Variants in LUC7L2 observed in about 807,000 individuals in gnomAD.
LUC7L2 encodes LUC7 like 2, pre-mRNA splicing factor, also known as putative RNA-binding protein Luc7-like 2.
In LUC7L2, 25 loss-of-function variants were observed where a neutral mutation model predicts 52.8. The ratio of observed to expected loss-of-function variants is 0.47; its 90% CI spans 0.34 to 0.66. The LOEUF (loss-of-function observed/expected upper bound fraction) is 0.66, where lower values mean the gene tolerates loss of function less well. LUC7L2 is among the 30% of genes least tolerant of loss of function. LUC7L2 has a pLI of 0.01. For missense variants in LUC7L2, 328 were observed against 497.8 expected, an observed-to-expected ratio of 0.66 and a Z score of 3.25; for synonymous variants, 144 against 160.9, an observed-to-expected ratio of 0.89 and a Z score of 0.80.
At chr7:139,376,299 C>T (rs1800706522) in intron 2 of LUC7L2, 143 bp downstream of exon 2, 3 of 844,664 alleles carry the variant, frequency 3.6e-6, no homozygotes. Flanking sequence ...AGGATGATTA[C>T]TTAAATCTTC....
chr7:139,403,628 T>G (rs1428168508), intron 4 of LUC7L2, among the ~76,000 whole-genome samples: 2 of 152,198 alleles, frequency 1.3e-5, no homozygotes, highest in Non-Finnish European at 2.9e-5. Flanking sequence ...GCCTGAGTTG[T>G]ATTGGTTGTA....
intron 1 of LUC7L2, among the ~76,000 whole-genome samples, chr7:139,370,218 CAG>C (rs1027175049): frequency 1.6e-4 from 25 of 152,184 alleles, no homozygotes; most frequent in African/African-American, 5.5e-4. Context: ...TATATATTAA[CAG>C]GGGAACATGT....
Position 139,360,212 on chromosome 7 carries a change from G to T in LUC7L2, c.-50G>T. ...CTTCCCCTTATCCCCCAGCCCAAAA[G>T]GGCCCGGTCTGCGCCCCACCCCCGC... On this transcript the variant is annotated 5_prime_UTR_variant, in exon 1 of 10. The change creates a new upstream start codon in the 5' untranslated region. Coordinates refer to ENST00000354926, the MANE Select transcript of LUC7L2 (RefSeq NM_016019.5). The T allele has an allele frequency of 7.0e-7, 1 of 1,423,292 alleles. No individual in the cohort carries two copies. The highest frequency in any genetic ancestry group is 9.6e-7 in the Non-Finnish European group (1 of 1,038,842). The allele number at this position is 1,423,292 out of a possible 1,614,324, so 88.2% of individuals were successfully genotyped here.
chr7:139,375,389 C>G, intron 1 of LUC7L2: 1 of 985,272 alleles, frequency 1.0e-6, no homozygotes, highest in South Asian at 4.7e-5. Context: ...AACCTTTGGA[C>G]GCATTAAAGT....
At chr7:139,340,662 A>G (rs891277988) in intron 1 of LUC7L2, 1 of 395,662 alleles carries the variant, frequency 2.5e-6, no homozygotes, top group Non-Finnish European at 4.5e-6. Context: ...AAAGAGGAAA[A>G]TAGTTGAATA....
intron 7 of LUC7L2, among the ~76,000 whole-genome samples, chr7:139,410,896 T>C (rs79489034): frequency 0.02 from 3,107 of 152,302 alleles, 47 homozygotes; most frequent in Middle Eastern, 0.044. Context: ...GAAACAAAAC[T>C]ACATGTCTAT....
At chr7:139,376,963 G>A (rs1034954100) in intron 2 of LUC7L2, among the ~76,000 whole-genome samples, 15 of 152,132 alleles carry the variant, frequency 9.9e-5, no homozygotes, top group Admixed American at 1.3e-4. Flanking sequence ...TTCTTTGATA[G>A]GAAGAGTTAA....
intron 1 of LUC7L2, among the ~76,000 whole-genome samples, chr7:139,369,431 C>T (rs1363899594): frequency 1.3e-5 from 2 of 152,080 alleles, no homozygotes; most frequent in Admixed American, 1.3e-4. Context: ...ACATACCCCC[C>T]AAAACATGAT....
chr7:139,421,897 CTG>C (rs971226608), intron 9 of LUC7L2, among the ~76,000 whole-genome samples: 5 of 151,872 alleles, frequency 3.3e-5, no homozygotes, highest in Middle Eastern at 3.2e-3. Context: ...TGGAGAAACT[CTG>C]TGTTGTCTCT....
intron 9 of LUC7L2, 80 bp downstream of exon 9, chr7:139,417,809 T>C (rs73154181): frequency 0.022 from 33,300 of 1,500,710 alleles, 435 homozygotes; most frequent in South Asian, 0.047. Flanking sequence ...TACTTATGTT[T>C]AGAGTTCAGA....
At chr7:139,404,602 A>G (rs1209232813) in intron 4 of LUC7L2, among the ~76,000 whole-genome samples, 1 of 152,236 alleles carries the variant, frequency 6.6e-6, no homozygotes, top group African/African-American at 2.4e-5. Flanking sequence ...AATAATGATT[A>G]TATGTATGTT....
chr7:139,395,519 A>G (rs79277139), intron 2 of LUC7L2, among the ~76,000 whole-genome samples: 1,994 of 152,344 alleles, frequency 0.013, 47 homozygotes, highest in African/African-American at 0.045. Context: ...GAGGACTTTT[A>G]TAACAGTGAT....
intron 1 of LUC7L2, among the ~76,000 whole-genome samples, chr7:139,354,742 A>C (rs937772752): frequency 6.6e-6 from 1 of 152,182 alleles, no homozygotes; most frequent in Non-Finnish European, 1.5e-5. Context: ...TGAGAGAAAA[A>C]AAGTTTTGGC....
Position 139,412,578 on chromosome 7 carries a change from A to G in LUC7L2, c.807A>G (p.Lys269=). The G allele has an allele frequency of 6.2e-7, 1 of 1,606,204 alleles. No homozygotes were observed. Among genetic ancestry groups the G allele is most frequent in the South Asian group, 1.1e-5 (1 of 88,948 alleles). Residue 269 remains lysine, a splice_region_variant and synonymous_variant, in exon 8 of 10, where the codon AAA becomes AAG. Coordinates refer to ENST00000354926, the MANE Select transcript of LUC7L2 (RefSeq NM_016019.5). ...CCCGATCACACAGCAAGAATCCAAAAAGGTAGGTGTATTACATAAGACAGG... is the reference window on the plus strand; with the variant it reads ...CCCGATCACACAGCAAGAATCCAAAGAGGTAGGTGTATTACATAAGACAGG... The part of the protein sequence containing the change: ...RRSRSHSKNP[K]RSRSREHRRH...
chr7:139,345,679 C>G, intron 1 of LUC7L2: 1 of 1,614,118 alleles, frequency 6.2e-7, no homozygotes, highest in Non-Finnish European at 8.5e-7. Flanking sequence ...CCCCATCAGC[C>G]TGGAGGGAAG....
chr7:139,344,530 T>C (rs949981136), intron 1 of LUC7L2, among the ~76,000 whole-genome samples: 2 of 152,134 alleles, frequency 1.3e-5, no homozygotes, highest in Middle Eastern at 3.2e-3. Context: ...GAGTATTTTT[T>C]ATCACAAGTT....
intron 2 of LUC7L2, chr7:139,392,479 T>C: frequency 2.5e-6 from 1 of 399,274 alleles, no homozygotes; most frequent in Non-Finnish European, 5.0e-6. Flanking sequence ...CAGGATCAGG[T>C]ATAGTTATTT....
intron 1 of LUC7L2, among the ~76,000 whole-genome samples, chr7:139,354,582 G>A (rs1353024198): frequency 6.6e-6 from 1 of 151,924 alleles, no homozygotes; most frequent in Non-Finnish European, 1.5e-5. Flanking sequence ...GGCTGGTCTC[G>A]AACTCCTCAC....
At chr7:139,360,763 C>T (rs901073570) in intron 1 of LUC7L2, among the ~76,000 whole-genome samples, 3 of 152,244 alleles carry the variant, frequency 2.0e-5, no homozygotes, top group African/African-American at 7.2e-5. Flanking sequence ...GAAGCTTCCC[C>T]CTCCTCTTCC....
Sources: allele counts gnomAD v4.1 joint callset (sites outside exome capture counted in the v4.1 genomes callset), GRCh38; gene constraint gnomAD v4.1.1; transcripts MANE v1.5; gene names NCBI Gene and HGNC (gene_info 2026-07-23, HGNC 2026-07-21).